The following CHEK2 variants were observed in gnomAD, a reference collection of about 807,000 sequenced individuals.
CHEK2 encodes serine/threonine-protein kinase Chk2.
Under a neutral mutation model 69.1 loss-of-function variants are expected in CHEK2, and 71 were observed. The observed-to-expected ratio is 1.03, with a 90% CI of 0.85 to 1.25. The LOEUF is 1.25. Among genes scored for constraint, CHEK2 ranks in the 50% most tolerant of loss-of-function variants. The probability of loss-of-function intolerance (pLI) is 0.00; values close to 1 mark genes in which losing one functional copy is unlikely to be tolerated. For synonymous variants in CHEK2, 189 were observed against 226.9 expected (o/e 0.83, Z 1.50); for missense variants, 664 against 649.6 (o/e 1.02, Z -0.24).
intron 5 of CHEK2, among the ~76,000 whole-genome samples, chr22:28,719,136 C>A (rs553182171): frequency 1.5e-4 from 23 of 152,084 alleles, no homozygotes; most frequent in African/African-American, 4.1e-4. Flanking sequence ...ATCAAGGCCA[C>A]AGTGAGCTCT....
chr22:28,699,913 G>A lies in CHEK2; in HGVS notation c.933C>T (p.Asp311=), dbSNP rs757921503. The A allele has an allele frequency of 1.9e-6, 3 of 1,613,952 alleles. No homozygotes were observed. Among genetic ancestry groups the A allele is most frequent in the South Asian group, 1.1e-5 (1 of 91,074 alleles). Residue 311 remains aspartate, a synonymous_variant, in exon 9 of 15, where the codon GAC becomes GAT. Coordinates refer to ENST00000404276, the MANE Select transcript of CHEK2 (RefSeq NM_007194.4). The part of the protein sequence containing the change: ...LELMEGGELF[D]KVVGNKRLKE... ...TCAGGCGTTTATTCCCCACCACTTT[G>A]TCAAACAGCTCTCCCCCTTCCATCC...
At chr22:28,730,783 GGGA>G (rs1379783989) in intron 2 of CHEK2, among the ~76,000 whole-genome samples, 2 of 152,060 alleles carry the variant, frequency 1.3e-5, no homozygotes, top group African/African-American at 4.8e-5. Context: ...GCTTGAAACC[GGGA>G]GGAGGAGGTT....
intron 2 of CHEK2, chr22:28,727,905 T>C (rs897203581): frequency 1.3e-5 from 2 of 152,230 alleles, no homozygotes; most frequent in Admixed American, 6.5e-5. Context: ...TACATTGCCA[T>C]TGGGAATATA....
intron 1 of CHEK2, among the ~76,000 whole-genome samples, chr22:28,741,440 CTATAAG>C (rs1214558632): frequency 6.6e-6 from 1 of 151,246 alleles, no homozygotes; most frequent in East Asian, 2.0e-4. Flanking sequence ...ACTGGCTTCT[CTATAAG>C]TATTTTATAG....
intron 14 of CHEK2, 147 bp downstream of exon 14, chr22:28,688,988 G>C (rs560254678): frequency 3.0e-6 from 2 of 658,162 alleles, no homozygotes; most frequent in East Asian, 5.7e-5. Flanking sequence ...GTGCTGGAGC[G>C]AATCAAGTTA....
At chr22:28,694,363 G>A (rs566578179) in intron 12 of CHEK2, among the ~76,000 whole-genome samples, 1 of 152,256 alleles carries the variant, frequency 6.6e-6, no homozygotes, top group East Asian at 1.9e-4. Context: ...TTCACTGCCT[G>A]TTCCCTCTCT....
intron 7 of CHEK2, among the ~76,000 whole-genome samples, chr22:28,703,880 G>A (rs1347293384): frequency 2.6e-5 from 4 of 152,106 alleles, no homozygotes; most frequent in Non-Finnish European, 5.9e-5. Context: ...CAGAGCAGAG[G>A]TACTCAAGGA....
intron 2 of CHEK2, chr22:28,730,448 C>T: frequency 1.4e-6 from 1 of 691,062 alleles, no homozygotes; most frequent in Non-Finnish European, 2.6e-6. Flanking sequence ...GGGGATGGTG[C>T]CTCACACCTC....
intron 12 of CHEK2, 45 bp from the exon 13 acceptor site, chr22:28,694,162 T>C: frequency 1.6e-6 from 2 of 1,286,862 alleles, no homozygotes; most frequent in Non-Finnish European, 2.2e-6. Flanking sequence ...GATAAATATA[T>C]TATCAGTAAG....
At chr22:28,730,340 A>C in intron 2 of CHEK2, 1 of 468,238 alleles carries the variant, frequency 2.1e-6, no homozygotes, top group Non-Finnish European at 3.8e-6. Context: ...AAGGAAAGGA[A>C]AAAAGAAAGG....
At chr22:28,729,563 A>T (rs766676421) in intron 2 of CHEK2, among the ~76,000 whole-genome samples, 2,072 of 145,032 alleles carry the variant, frequency 0.014, 50 homozygotes, top group Non-Finnish European at 0.021. Flanking sequence ...AAAAAAAAAA[A>T]AAGAATTAAC....
At chr22:28,721,281 G>GTTTTTT (rs755378917) in intron 4 of CHEK2, among the ~76,000 whole-genome samples, 25 of 109,932 alleles carry the variant, frequency 2.3e-4, no homozygotes, top group Middle Eastern at 5.7e-3. Context: ...GTTTGTTTGG[G>GTTTTTT]TTTTTTTTTT....
intron 6 of CHEK2, 82 bp downstream of exon 6, chr22:28,711,827 T>TA (rs1174435584): frequency 9.9e-7 from 1 of 1,009,534 alleles, no homozygotes; most frequent in East Asian, 2.4e-5. Context: ...TTCCTGAGTT[T>TA]AAAAATCATC....
intron 2 of CHEK2, among the ~76,000 whole-genome samples, chr22:28,730,240 A>ATAGGAGAGGAGAGGAGGGGAGGG (rs1326774102): frequency 0.047 from 9 of 192 alleles, no homozygotes; most frequent in Non-Finnish European, 0.056. Context: ...AGGAAAGAAA[A>ATAGGAGAGGAGAGGAGGGGAGGG]GAGGAGAGGA....
chr22:28,715,145 T>G (rs2053545894), intron 5 of CHEK2, among the ~76,000 whole-genome samples: 1 of 152,192 alleles, frequency 6.6e-6, no homozygotes, highest in Non-Finnish European at 1.5e-5. Flanking sequence ...TTCTCTCTGT[T>G]GTAGTTTCTA....
intron 2 of CHEK2, among the ~76,000 whole-genome samples, chr22:28,733,223 A>G (rs959856897): frequency 2.6e-5 from 4 of 152,228 alleles, no homozygotes; most frequent in African/African-American, 9.6e-5. Flanking sequence ...ACAAGTAACA[A>G]GTAGTCAACA....
chr22:28,730,476 G>A (rs1479796247), intron 2 of CHEK2: 3 of 699,448 alleles, frequency 4.3e-6, no homozygotes, highest in Non-Finnish European at 5.2e-6. Context: ...AGCACTTTGG[G>A]AGGCTGAGGC....
chr22:28,695,667 A>T (rs544216895), intron 11 of CHEK2, 43 bp downstream of exon 11: 1 of 1,575,122 alleles, frequency 6.3e-7, no homozygotes, highest in South Asian at 1.1e-5. Context: ...ACTTCATCTA[A>T]TCACCTCCTA....
chr22:28,713,182 T>C (rs1389992327), intron 5 of CHEK2, among the ~76,000 whole-genome samples: 2 of 152,256 alleles, frequency 1.3e-5, no homozygotes, highest in African/African-American at 4.8e-5. Flanking sequence ...TTCCATTATA[T>C]GGAAGTATCA....
Sources: allele counts gnomAD v4.1 joint callset (sites outside exome capture counted in the v4.1 genomes callset), GRCh38; gene constraint gnomAD v4.1.1; transcripts MANE v1.5; gene names NCBI Gene and HGNC (gene_info 2026-07-23, HGNC 2026-07-21).